Variants in GPR39 observed in about 807,000 individuals in gnomAD.
GPR39 encodes zinc sensing receptor.
In GPR39, 23 loss-of-function variants were observed where a neutral mutation model predicts 18.4. That is an observed-to-expected ratio of 1.25 (90% CI 0.90 to 1.77). GPR39 has a LOEUF of 1.77. GPR39 is among the 40% of genes most tolerant of loss of function. GPR39 has a pLI of 0.00. For missense variants in GPR39, 647 were observed against 602.4 expected, an observed-to-expected ratio of 1.07 and a Z score of -0.78; for synonymous variants, 280 against 257.9, an observed-to-expected ratio of 1.09 and a Z score of -0.82.
chr2:132,437,522 C>T (rs369543560), intron 1 of GPR39, among the ~76,000 whole-genome samples: 146 of 152,274 alleles, frequency 9.6e-4, no homozygotes, highest in African/African-American at 3.4e-3. Flanking sequence ...GAGGCAGCTG[C>T]TCCGTGTCAT....
chr2:132,469,102 G>T (rs1452846868), intron 1 of GPR39, among the ~76,000 whole-genome samples: 1 of 152,180 alleles, frequency 6.6e-6, no homozygotes, highest in East Asian at 1.9e-4. Flanking sequence ...ACTGTAGGTG[G>T]CAATTCCTGC....
At chr2:132,630,805 C>T (rs555160579) in intron 1 of GPR39, among the ~76,000 whole-genome samples, 8 of 152,196 alleles carry the variant, frequency 5.3e-5, no homozygotes, top group South Asian at 2.1e-4. Context: ...TAAAACAGGA[C>T]GACTTGCAGG....
At chr2:132,420,803 C>T (rs1441244399) in intron 1 of GPR39, among the ~76,000 whole-genome samples, 1 of 152,154 alleles carries the variant, frequency 6.6e-6, no homozygotes, top group Non-Finnish European at 1.5e-5. Flanking sequence ...GTGCCTCAGT[C>T]TAGTCGATGT....
rs1573655938 is a variant in GPR39 at position 132,540,730 on chromosome 2, G to A, written c.857-104371G>A. On this transcript the variant is annotated intron_variant, in intron 1 of 1. Transcript: ENST00000329321. ...GGGTGCTATTAAAGGCAATCTTGGT[G>A]TTACTGCAGTGAAATGTCAGCTGAG... Among the ~76,000 whole-genome samples, 4 of 151,420 alleles carry A rather than the reference G, an allele frequency of 2.6e-5. No homozygotes were observed. In the South Asian group the frequency reaches 8.3e-4, roughly 31 times the overall value.
intron 1 of GPR39, among the ~76,000 whole-genome samples, chr2:132,491,850 CT>C (rs1367828325): frequency 6.6e-6 from 1 of 151,812 alleles, no homozygotes; most frequent in African/African-American, 2.4e-5. Context: ...CTCCCCTCCC[CT>C]GTGGAAGGTA....
intron 1 of GPR39, among the ~76,000 whole-genome samples, chr2:132,521,164 C>G (rs200991430): frequency 6.6e-6 from 1 of 152,184 alleles, no homozygotes; most frequent in Non-Finnish European, 1.5e-5. Context: ...AAAGGACAAG[C>G]TACTGAATCT....
chr2:132,442,907 T>C (rs557854756), intron 1 of GPR39, among the ~76,000 whole-genome samples: 24 of 152,324 alleles, frequency 1.6e-4, no homozygotes, highest in African/African-American at 4.8e-4. Context: ...ATTCTTTGCA[T>C]TGGCAACTGG....
chr2:132,639,921 A>C (rs1465971615), intron 1 of GPR39, among the ~76,000 whole-genome samples: 1 of 150,448 alleles, frequency 6.6e-6, no homozygotes, highest in Non-Finnish European at 1.5e-5. Flanking sequence ...CCCTAAAATT[A>C]CAGTTAAAAA....
intron 1 of GPR39, among the ~76,000 whole-genome samples, chr2:132,572,015 CAA>C: frequency 6.6e-6 from 1 of 152,226 alleles, no homozygotes; most frequent in Middle Eastern, 3.4e-3. Flanking sequence ...GGGCAGGTAT[CAA>C]GAGAGGAAAT....
intron 1 of GPR39, among the ~76,000 whole-genome samples, chr2:132,449,504 C>A (rs1680597751): frequency 6.6e-6 from 1 of 152,180 alleles, no homozygotes; most frequent in African/African-American, 2.4e-5. Context: ...GCCTCAGCCT[C>A]CCAAAGTGCT....
chr2:132,425,382 ATTGC>A lies in GPR39; in HGVS notation c.856+7488_856+7491del, dbSNP rs567571571. 1.3e-3 allele frequency among the ~76,000 whole-genome samples: 200 copies of A among 152,216 alleles called. 3 individuals are homozygous for A. Among genetic ancestry groups the A allele is most frequent in the African/African-American group, 4.7e-3 (194 of 41,552 alleles). ...TGGGTTGGGGGCAGAGTAGCCATGC[ATTGC>A]TTGAGAGATTGATGGATTGAAGTTC... is the stretch of plus-strand genomic sequence containing the variant. On this transcript the variant is annotated intron_variant, in intron 1 of 1. Transcript: ENST00000329321.
At position 132,568,285 on chromosome 2, in the gene GPR39, T is replaced by G. The variant is rs186081849; in HGVS notation, c.857-76816T>G. ...GGAAGTGATGATGTTTCTTTCCTTT[T>G]CATGGTCTTGGAGTTGTTGGGCGGG... On this transcript the variant is annotated intron_variant, in intron 1 of 1. Transcript: ENST00000329321. Among the ~76,000 whole-genome samples the G allele has an allele frequency of 7.6e-4, 115 of 152,218 alleles. 1 individual carries two copies. In the East Asian group the frequency reaches 0.02, roughly 26 times the overall value.
chr2:132,629,891 G>T (rs1293975729), intron 1 of GPR39, among the ~76,000 whole-genome samples: 1 of 152,186 alleles, frequency 6.6e-6, no homozygotes, highest in South Asian at 2.1e-4. Flanking sequence ...GGACACCCTT[G>T]ATTGGAAGTT....
chr2:132,591,653 T>G (rs1004734681), intron 1 of GPR39, among the ~76,000 whole-genome samples: 2 of 152,134 alleles, frequency 1.3e-5, no homozygotes, highest in African/African-American at 4.8e-5. Flanking sequence ...ATTTAAAAAC[T>G]CAAGTGCCAA....
At chr2:132,460,784 G>A (rs1680816823) in intron 1 of GPR39, among the ~76,000 whole-genome samples, 2 of 151,420 alleles carry the variant, frequency 1.3e-5, no homozygotes, top group Admixed American at 6.6e-5. Context: ...ATTTCATTCA[G>A]TATCAATAAG....
In GPR39 at chr2:132,523,560, G is replaced by A. The variant is rs1442042317; in HGVS notation, c.856+105662G>A. The A allele has an allele frequency of 2.0e-5, 3 of 152,116 alleles. No homozygotes were observed. The East Asian group carries it at 5.8e-4, about 29-fold the overall frequency. 9.4% of individuals were successfully genotyped at this position (152,116 alleles called of 1,614,324 possible). A position where few individuals can be genotyped will look rare whatever the true frequency, so the allele number is the denominator to read the frequency against. On this transcript the variant is annotated intron_variant, in intron 1 of 1. Coordinates refer to ENST00000329321, the MANE Select transcript of GPR39 (RefSeq NM_001508.3). Reference sequence around the variant, plus strand: ...AATTTAGTTAGCATCTTTGATCTTTGGTTTCTTCCTCTGTGAATTGGGAGC... The same window carrying A: ...AATTTAGTTAGCATCTTTGATCTTTAGTTTCTTCCTCTGTGAATTGGGAGC...
intron 1 of GPR39, among the ~76,000 whole-genome samples, chr2:132,475,735 G>A (rs992303133): frequency 2.0e-5 from 3 of 152,200 alleles, no homozygotes; most frequent in African/African-American, 4.8e-5. Context: ...CCCTGAAGCT[G>A]CAGGAGACAA....
intron 1 of GPR39, among the ~76,000 whole-genome samples, chr2:132,556,126 G>T (rs1680147668): frequency 6.6e-6 from 1 of 152,140 alleles, no homozygotes; most frequent in Admixed American, 6.5e-5. Flanking sequence ...AAGAAAATTT[G>T]CTTCAATGCA....
chr2:132,598,431 CTTT>C (rs34104835), intron 1 of GPR39, among the ~76,000 whole-genome samples: 4 of 90,456 alleles, frequency 4.4e-5, no homozygotes, highest in Admixed American at 1.3e-4. Context: ...CTAAGGTGAA[CTTT>C]TTTTTTTTTT....
Sources: allele counts gnomAD v4.1 joint callset (sites outside exome capture counted in the v4.1 genomes callset), GRCh38; gene constraint gnomAD v4.1.1; transcripts MANE v1.5; gene names NCBI Gene and HGNC (gene_info 2026-07-23, HGNC 2026-07-21).